Variants in AIG1 observed in about 807,000 individuals in gnomAD.
AIG1 encodes the protein androgen-induced gene 1 protein.
Under a neutral mutation model 31.4 loss-of-function variants are expected in AIG1, and 23 were observed. That is an observed-to-expected ratio of 0.73 (90% CI 0.53 to 1.04). The LOEUF (loss-of-function observed/expected upper bound fraction) is 1.04. AIG1 is among the 50% of genes least tolerant of loss of function. The probability of loss-of-function intolerance (pLI) is 0.00; values close to 1 mark genes in which losing one functional copy is unlikely to be tolerated. For missense variants in AIG1, 274 were observed against 295.0 expected (o/e 0.93, Z 0.52); for synonymous variants, 100 against 110.5 (o/e 0.90, Z 0.60).
intron 1 of AIG1, among the ~76,000 whole-genome samples, chr6:143,087,612 C>G (rs529324109): frequency 1.3e-5 from 2 of 152,324 alleles, no homozygotes; most frequent in South Asian, 4.1e-4. Context: ...TCAGCTCAAG[C>G]TGTGAAAAGC....
At chr6:143,236,165 C>T (rs187399733) in intron 3 of AIG1, among the ~76,000 whole-genome samples, 3 of 152,328 alleles carry the variant, frequency 2.0e-5, no homozygotes, top group Admixed American at 2.0e-4. Context: ...TCCTGGGAAG[C>T]CTTCTTGGGC....
At chr6:143,083,890 G>T (rs193097556) in intron 1 of AIG1, among the ~76,000 whole-genome samples, 4 of 152,296 alleles carry the variant, frequency 2.6e-5, no homozygotes, top group Admixed American at 2.6e-4. Flanking sequence ...CTATGTTCAG[G>T]TGTCTAATGG....
intron 2 of AIG1, among the ~76,000 whole-genome samples, chr6:143,143,554 T>TATATAC (rs762393675): frequency 8.7e-5 from 9 of 103,984 alleles, no homozygotes; most frequent in Middle Eastern, 5.6e-3. Flanking sequence ...TATATATATA[T>TATATAC]ACACACACAC....
rs1465494457 is a variant in AIG1 at position 143,293,293 on chromosome 6, C to T, written c.515+9068C>T. Among the ~76,000 whole-genome samples the T allele has an allele frequency of 6.6e-6, 1 of 152,052 alleles. No homozygotes were observed. The highest frequency in any genetic ancestry group is 1.5e-5 in the Non-Finnish European group (1 of 68,026). On this transcript the variant is annotated intron_variant, in intron 4 of 5. Transcript: ENST00000357847. This position sits in a 1 kb window ranked among gnomAD's most constrained non-coding sequence, Gnocchi z 4.8. Reference sequence around the variant, plus strand: ...GTCCTACTTTACAGCATGTGTGGCTCTTCATAACCTATTGAGAAAGTTAAA... The same window carrying T: ...GTCCTACTTTACAGCATGTGTGGCTTTTCATAACCTATTGAGAAAGTTAAA...
chr6:143,146,959 G>T (rs976594541), intron 2 of AIG1, among the ~76,000 whole-genome samples: 2 of 152,140 alleles, frequency 1.3e-5, no homozygotes, highest in Non-Finnish European at 2.9e-5. Flanking sequence ...CAGAAAATCA[G>T]GTGGGAAGGT....
At chr6:143,187,785 C>A in intron 3 of AIG1, 2 of 1,505,756 alleles carry the variant, frequency 1.3e-6, no homozygotes, top group Non-Finnish European at 1.8e-6. Context: ...TTGGAAATGA[C>A]CTTGAAGCGA....
intron 1 of AIG1, among the ~76,000 whole-genome samples, chr6:143,070,025 C>T (rs1777107315): frequency 6.6e-6 from 1 of 152,222 alleles, no homozygotes; most frequent in African/African-American, 2.4e-5. Flanking sequence ...TTCTGTTCTG[C>T]TCCACTGATG....
chr6:143,209,940 G>A (rs1192260602), intron 3 of AIG1, among the ~76,000 whole-genome samples: 22 of 152,160 alleles, frequency 1.4e-4, no homozygotes, highest in Non-Finnish European at 1.5e-5. Flanking sequence ...TATCCCACAA[G>A]CCAGGAGCAG....
intron 3 of AIG1, among the ~76,000 whole-genome samples, chr6:143,179,730 T>G (rs1788543358): frequency 6.6e-6 from 1 of 152,200 alleles, no homozygotes; most frequent in Non-Finnish European, 1.5e-5. Context: ...ATTAGAAAAG[T>G]AACGCAATCT....
intron 1 of AIG1, 85 bp from the exon 2 acceptor site, chr6:143,136,750 T>C (rs113314165): frequency 1.7e-6 from 2 of 1,185,906 alleles, no homozygotes; most frequent in Non-Finnish European, 2.2e-6. Flanking sequence ...TTAGATGTCA[T>C]GTTGTACACC....
intron 3 of AIG1, among the ~76,000 whole-genome samples, chr6:143,175,419 C>T (rs1788050572): frequency 6.6e-6 from 1 of 152,186 alleles, no homozygotes; most frequent in African/African-American, 2.4e-5. Flanking sequence ...TTGGATTTCC[C>T]TTCTTCTTCA....
chr6:143,187,854 A>C (rs1472424893), intron 3 of AIG1: 1 of 1,440,950 alleles, frequency 6.9e-7, no homozygotes. Flanking sequence ...CAAGCGATGT[A>C]CAGAAGGGTA....
At chr6:143,275,914 A>G (rs921020671) in intron 3 of AIG1, among the ~76,000 whole-genome samples, 1 of 152,226 alleles carries the variant, frequency 6.6e-6, no homozygotes. Flanking sequence ...GTTATATTTT[A>G]TGGTACAACA....
At chr6:143,148,008 C>A (rs1276911368) in intron 2 of AIG1, among the ~76,000 whole-genome samples, 3 of 152,158 alleles carry the variant, frequency 2.0e-5, no homozygotes, top group Non-Finnish European at 4.4e-5. Context: ...TGCAGTTTTA[C>A]AGATGGGATT....
At chr6:143,182,291 C>G (rs775948486) in intron 3 of AIG1, among the ~76,000 whole-genome samples, 1 of 152,166 alleles carries the variant, frequency 6.6e-6, no homozygotes, top group African/African-American at 2.4e-5. Context: ...GCCTCAGCCT[C>G]CCAAAGTGCT....
At position 143,333,661 on chromosome 6, in the gene AIG1, C is replaced by T. The variant is rs188318802; in HGVS notation, c.679+216C>T. Among the ~76,000 whole-genome samples the T allele has an allele frequency of 3.9e-5, 6 of 152,142 alleles. No homozygotes were observed. The highest frequency in any genetic ancestry group is 1.4e-4 in the African/African-American group (6 of 41,504). ...CACTTGGTCTTGTTAGCTAGTAAAA[C>T]CTCCAAATCTAAAGAGGAAAGAGGC... On this transcript the variant is annotated intron_variant, in intron 5 of 5. Transcript: ENST00000357847. The surrounding 1 kb of genome is among the most constrained non-coding windows in gnomAD (Gnocchi z 4.6).
In AIG1 at chr6:143,258,042, A is replaced by G. The variant is rs141670670; in HGVS notation, c.400-26068A>G. On this transcript the variant is annotated intron_variant, in intron 3 of 5. Transcript: ENST00000357847. The surrounding 1 kb of genome is among the most constrained non-coding windows in gnomAD (Gnocchi z 4.7). ...AAGGAACAGAAACTAATAACTACTG[A>G]ATGCCTGTTATAAGCCAACCTGATG... 1.6e-4 allele frequency among the ~76,000 whole-genome samples: 24 copies of G among 152,326 alleles called. No homozygotes were observed. In the East Asian group the frequency reaches 4.4e-3, roughly 28 times the overall value.
intron 1 of AIG1, among the ~76,000 whole-genome samples, chr6:143,075,546 T>C (rs1428424280): frequency 5.9e-5 from 9 of 152,140 alleles, no homozygotes. Context: ...GCTCAAGCAA[T>C]CCACCCCACT....
At chr6:143,156,741 T>C (rs2128554023) in intron 2 of AIG1, among the ~76,000 whole-genome samples, 1 of 152,350 alleles carries the variant, frequency 6.6e-6, no homozygotes, top group East Asian at 1.9e-4. Context: ...ATTGCAGTTG[T>C]AACTGAGACA....
Sources: gnomAD v4.1 joint callset for allele counts (sites outside exome capture counted in the v4.1 genomes callset) on GRCh38, gnomAD v4.1.1 for gene constraint, Gnocchi (gnomAD v3.1) non-coding constraint, MANE v1.5 for transcripts, NCBI Gene and HGNC (gene_info 2026-07-23, HGNC 2026-07-21) for gene names.